The following CSMD1 variants were observed in gnomAD, a reference collection of about 807,000 sequenced individuals.
CSMD1 encodes the protein CUB and sushi domain-containing protein 1.
A neutral mutation model predicts 417.5 loss-of-function variants in CSMD1; 213 were observed. The ratio of observed to expected loss-of-function variants is 0.51; its 90% CI spans 0.46 to 0.57. The LOEUF (loss-of-function observed/expected upper bound fraction) is 0.57, where lower values mean the gene tolerates loss of function less well. Among genes scored for constraint, CSMD1 ranks in the 20% least tolerant of loss-of-function variants. CSMD1 has a pLI of 0.00. For missense variants in CSMD1, 6,923 were observed against 4,529.7 expected, an observed-to-expected ratio of 1.53 and a Z score of -15.17; for synonymous variants, 2,862 against 1,736.8, an observed-to-expected ratio of 1.65 and a Z score of -16.11.
chr8:3,308,400 G>T lies in CSMD1; in HGVS notation c.3735C>A (p.Asn1245Lys). The T allele has an allele frequency of 6.2e-7, 1 of 1,613,836 alleles. No individual in the cohort carries two copies. The highest frequency in any genetic ancestry group is 8.5e-7 in the Non-Finnish European group (1 of 1,179,814). The change falls in exon 24 of 70, where the codon AAC (asparagine) becomes AAA (lysine). Residue 1245 changes from asparagine to lysine, a missense_variant. Transcript: ENST00000635120. ...FTDTVVLYSCNPGYAMHGSNT... is the reference protein window; with the variant it reads ...FTDTVVLYSCKPGYAMHGSNT... ...TGCTGCCATGCATGGCGTACCCCGG[G>T]TTGCAACTGTACAGAACTACAGTGT...
intron 7 of CSMD1, among the ~76,000 whole-genome samples, chr8:3,666,069 T>C (rs111616914): frequency 3.8e-3 from 583 of 152,292 alleles, no homozygotes; most frequent in Non-Finnish European, 6.7e-3. Flanking sequence ...CTAATTTTTG[T>C]ATCTGTAGTA....
chr8:3,236,207 C>T (rs1799145554), intron 26 of CSMD1, among the ~76,000 whole-genome samples: 2 of 151,854 alleles, frequency 1.3e-5, no homozygotes, highest in Non-Finnish European at 2.9e-5. Context: ...TGTGAGCCAC[C>T]GCGCCTCGCC....
intron 6 of CSMD1, among the ~76,000 whole-genome samples, chr8:3,732,328 C>G (rs770281003): frequency 6.6e-6 from 1 of 152,182 alleles, no homozygotes; most frequent in African/African-American, 2.4e-5. Flanking sequence ...AGTCATTTAA[C>G]CTGTGTGGAT....
rs1022845522 is a variant in CSMD1 at position 4,199,293 on chromosome 8, G to T, written c.416-167194C>A. Among the ~76,000 whole-genome samples the T allele has an allele frequency of 2.0e-5, 3 of 152,160 alleles. No homozygotes were observed. In the East Asian group the frequency reaches 5.8e-4, roughly 29 times the overall value. On this transcript the variant is annotated intron_variant, in intron 3 of 69. Transcript: ENST00000635120. ...CTTCTGCTATGGTCATTGATATGCA[G>T]GCAGTGTATGGGTGCTTTTTCATAG...
At chr8:4,219,826 C>G (rs1714721) in intron 3 of CSMD1, among the ~76,000 whole-genome samples, 82,100 of 152,108 alleles carry the variant, frequency 0.54, 23,133 homozygotes, top group Non-Finnish European at 0.62. Flanking sequence ...AGCTAATTAT[C>G]TGTAAGTTAC....
intron 36 of CSMD1, among the ~76,000 whole-genome samples, chr8:3,183,707 T>C (rs1821573961): frequency 6.6e-6 from 1 of 152,218 alleles, no homozygotes; most frequent in Non-Finnish European, 1.5e-5. Context: ...CTACTGTTTC[T>C]TAATACCATT....
chr8:4,315,862 T>C (rs1563441429), intron 3 of CSMD1, among the ~76,000 whole-genome samples: 1 of 152,172 alleles, frequency 6.6e-6, no homozygotes, highest in Non-Finnish European at 1.5e-5. Flanking sequence ...ATATTCTCAG[T>C]CTTCTTAGTA....
At chr8:3,687,330 G>T (rs1008617730) in intron 7 of CSMD1, among the ~76,000 whole-genome samples, 3 of 152,178 alleles carry the variant, frequency 2.0e-5, no homozygotes, top group Non-Finnish European at 4.4e-5. Flanking sequence ...CTCCATGTAA[G>T]GCTGCAGAAG....
intron 12 of CSMD1, among the ~76,000 whole-genome samples, chr8:3,463,902 C>A (rs1158358277): frequency 6.6e-6 from 1 of 152,212 alleles, no homozygotes; most frequent in African/African-American, 2.4e-5. Flanking sequence ...CCTAGGAGCA[C>A]AGACCCTTGG....
At chr8:3,660,723 G>A (rs1798372520) in intron 7 of CSMD1, among the ~76,000 whole-genome samples, 1 of 140,326 alleles carries the variant, frequency 7.1e-6, no homozygotes, top group African/African-American at 2.5e-5. Flanking sequence ...GTTTCACCAT[G>A]TTGGTCAGGG....
At chr8:4,044,366 G>C (rs542490313) in intron 3 of CSMD1, among the ~76,000 whole-genome samples, 1 of 152,088 alleles carries the variant, frequency 6.6e-6, no homozygotes, top group African/African-American at 2.4e-5. Context: ...TTACTGATAA[G>C]AACCTTGTCT....
intron 1 of CSMD1, among the ~76,000 whole-genome samples, chr8:4,771,533 C>T (rs947007271): frequency 6.6e-6 from 1 of 152,206 alleles, no homozygotes; most frequent in African/African-American, 2.4e-5. Flanking sequence ...TATTAGTTTG[C>T]TGCTAGGCAT....
intron 5 of CSMD1, among the ~76,000 whole-genome samples, chr8:3,788,909 G>A (rs1799584551): frequency 6.6e-6 from 1 of 152,178 alleles, no homozygotes; most frequent in Non-Finnish European, 1.5e-5. Context: ...GAGGAGGAAA[G>A]GGACTTAGGC....
At chr8:4,422,239 G>A (rs1797288535) in intron 2 of CSMD1, among the ~76,000 whole-genome samples, 1 of 151,986 alleles carries the variant, frequency 6.6e-6, no homozygotes. Context: ...ATTCTACACA[G>A]TCTCTTCCAG....
At chr8:3,759,711 T>C (rs977223693) in intron 5 of CSMD1, among the ~76,000 whole-genome samples, 9 of 144,690 alleles carry the variant, frequency 6.2e-5, no homozygotes, top group South Asian at 4.3e-4. Context: ...CTGAGCAATA[T>C]GGTGAAACAC....
At chr8:3,242,546 A>G (rs993769967) in intron 26 of CSMD1, among the ~76,000 whole-genome samples, 5 of 152,054 alleles carry the variant, frequency 3.3e-5, no homozygotes, top group African/African-American at 1.2e-4. Flanking sequence ...CCATTTTCTG[A>G]CTATTTGGAA....
At chr8:4,210,050 G>C (rs775893537) in intron 3 of CSMD1, among the ~76,000 whole-genome samples, 1 of 152,148 alleles carries the variant, frequency 6.6e-6, no homozygotes, top group African/African-American at 2.4e-5. Flanking sequence ...TCTAAGCCCT[G>C]CTTCCTGAGT....
chr8:4,238,397 G>A (rs1038402546), intron 3 of CSMD1, among the ~76,000 whole-genome samples: 11 of 152,122 alleles, frequency 7.2e-5, no homozygotes, highest in Non-Finnish European at 1.2e-4. Context: ...ACTCCGCCCT[G>A]AGCACACATG....
chr8:3,253,410 C>G (rs1442101327), intron 26 of CSMD1, among the ~76,000 whole-genome samples: 2 of 152,098 alleles, frequency 1.3e-5, no homozygotes, highest in South Asian at 2.1e-4. Flanking sequence ...GTTATAATTT[C>G]TGTTCTTTTA....
Sources: gnomAD v4.1 joint callset for allele counts (sites outside exome capture counted in the v4.1 genomes callset) on GRCh38, gnomAD v4.1.1 for gene constraint, MANE v1.5 for transcripts, NCBI Gene and HGNC (gene_info 2026-07-23, HGNC 2026-07-21) for gene names.